ROBO1: variants seen among roughly 807,000 people sequenced by gnomAD.
ROBO1 encodes the protein roundabout guidance receptor 1.
A neutral mutation model predicts 195.9 loss-of-function variants in ROBO1; 149 were observed. The observed-to-expected ratio is 0.76, with a 90% CI of 0.67 to 0.87. The LOEUF is 0.87. ROBO1 is among the 40% of genes least tolerant of loss of function. The pLI, the probability that ROBO1 is intolerant of heterozygous loss-of-function variation, is 0.00. For missense variants in ROBO1, 1,933 were observed against 2,068.3 expected, an observed-to-expected ratio of 0.93 and a Z score of 1.27; for synonymous variants, 816 against 733.2, an observed-to-expected ratio of 1.11 and a Z score of -1.82.
At chr3:79,358,577 G>A (rs143791810) in intron 2 of ROBO1, among the ~76,000 whole-genome samples, 34 of 152,104 alleles carry the variant, frequency 2.2e-4, no homozygotes, top group African/African-American at 7.9e-4. Context: ...TTCAACATAT[G>A]TATGGGAATC....
chr3:79,242,980 CCCT>C (rs1478805735), intron 2 of ROBO1, among the ~76,000 whole-genome samples: 4 of 102,864 alleles, frequency 3.9e-5, no homozygotes, highest in African/African-American at 1.9e-4. Context: ...TATCCCTCCC[CCCT>C]CCCCCCCACC....
intron 3 of ROBO1, among the ~76,000 whole-genome samples, chr3:79,043,908 T>A (rs2078537008): frequency 6.6e-6 from 1 of 152,136 alleles, no homozygotes; most frequent in Non-Finnish European, 1.5e-5. Context: ...AATGGATACA[T>A]CTTGCTGTGG....
chr3:79,487,029 C>T (rs752227686), intron 2 of ROBO1, among the ~76,000 whole-genome samples: 3 of 152,046 alleles, frequency 2.0e-5, no homozygotes, highest in Non-Finnish European at 2.9e-5. Context: ...AATGTCCCAC[C>T]CCTAGAGACT....
intron 4 of ROBO1, among the ~76,000 whole-genome samples, chr3:78,877,278 A>G (rs1032133729): frequency 2.0e-5 from 3 of 152,202 alleles, no homozygotes; most frequent in African/African-American, 7.2e-5. Flanking sequence ...TAAGACCTCC[A>G]AGAATACATC....
chr3:78,871,543 G>T (rs1178400905), intron 4 of ROBO1, among the ~76,000 whole-genome samples: 1 of 151,938 alleles, frequency 6.6e-6, no homozygotes, highest in Non-Finnish European at 1.5e-5. Context: ...ATTTAAATAA[G>T]ATGACATACA....
rs761918271 is a variant in ROBO1 at position 78,714,431 on chromosome 3, G to A, written c.1011C>T (p.Gly337=). Residue 337 remains glycine, a synonymous_variant, in exon 8 of 31, where the codon GGC becomes GGT. Transcript: ENST00000464233. ...TCAGAGTAGCAGATGCTTCAGCTTT[G>A]CCCACCATATTTTCTGCAACACAAG... The part of the protein sequence containing the change: ...SYTCVAENMV[G]KAEASATLTV... 1.9e-5 allele frequency: 31 copies of A among 1,612,688 alleles called. No individual in the cohort carries two copies. The South Asian group carries it at 3.4e-4, about 18-fold the overall frequency.
chr3:79,067,662 C>T (rs943376775), intron 3 of ROBO1, among the ~76,000 whole-genome samples: 5 of 151,846 alleles, frequency 3.3e-5, no homozygotes, highest in Non-Finnish European at 7.4e-5. Context: ...AATAAATCCT[C>T]TAAAGACTGA....
intron 3 of ROBO1, among the ~76,000 whole-genome samples, chr3:78,977,683 GA>G (rs919771778): frequency 2.6e-5 from 4 of 151,550 alleles, no homozygotes; most frequent in African/African-American, 9.7e-5. Flanking sequence ...CTAACCATGA[GA>G]AAATAAAATC....
chr3:79,214,352 T>C (rs2082017175), intron 2 of ROBO1, among the ~76,000 whole-genome samples: 1 of 152,124 alleles, frequency 6.6e-6, no homozygotes, highest in African/African-American at 2.4e-5. Flanking sequence ...TTTTCGCTTC[T>C]CTGTAACCAA....
At chr3:79,636,709 C>A (rs890952172) in intron 1 of ROBO1, among the ~76,000 whole-genome samples, 10 of 152,100 alleles carry the variant, frequency 6.6e-5, no homozygotes, top group Non-Finnish European at 1.3e-4. Flanking sequence ...ATAATACAGG[C>A]AACAACAAAT....
At chr3:79,313,548 GTCAGAT>G (rs1408154738) in intron 2 of ROBO1, among the ~76,000 whole-genome samples, 1 of 152,142 alleles carries the variant, frequency 6.6e-6, no homozygotes, top group Non-Finnish European at 1.5e-5. Context: ...AGAAAAGACT[GTCAGAT>G]TCGAGTACTT....
chr3:79,647,563 C>T (rs1471842795), intron 1 of ROBO1, among the ~76,000 whole-genome samples: 1 of 67,646 alleles, frequency 1.5e-5, no homozygotes, highest in East Asian at 3.9e-4. Context: ...TTTTGGTTGA[C>T]ACATGTACTA....
chr3:79,691,033 G>T (rs974322846), intron 1 of ROBO1, among the ~76,000 whole-genome samples: 9 of 151,784 alleles, frequency 5.9e-5, no homozygotes, highest in Admixed American at 5.3e-4. Flanking sequence ...CATCTTTAAG[G>T]TTCAGAAACT....
At chr3:79,481,016 C>T (rs1225606205) in intron 2 of ROBO1, among the ~76,000 whole-genome samples, 1 of 152,058 alleles carries the variant, frequency 6.6e-6, no homozygotes, top group Non-Finnish European at 1.5e-5. Flanking sequence ...ATTTTACTTG[C>T]CAGATTTTAT....
intron 5 of ROBO1, among the ~76,000 whole-genome samples, chr3:78,735,122 A>G (rs1279045606): frequency 1.3e-5 from 2 of 152,200 alleles, no homozygotes; most frequent in Admixed American, 1.3e-4. Context: ...GATCCACGAA[A>G]TATCTCATTC....
chr3:78,925,759 T>C (rs140033097), intron 4 of ROBO1, among the ~76,000 whole-genome samples: 1 of 152,166 alleles, frequency 6.6e-6, no homozygotes, highest in East Asian at 1.9e-4. Context: ...GATAAAGGGA[T>C]AGAGGGTGGT....
chr3:79,697,600 T>C (rs1453372457), intron 1 of ROBO1, among the ~76,000 whole-genome samples: 1 of 151,404 alleles, frequency 6.6e-6, no homozygotes, highest in African/African-American at 2.4e-5. Context: ...GACCAAAATA[T>C]ATTGTGGCAA....
intron 2 of ROBO1, among the ~76,000 whole-genome samples, chr3:79,193,912 A>AAAAAGAGGT (rs2081586343): frequency 1.3e-5 from 2 of 151,608 alleles, no homozygotes; most frequent in South Asian, 4.1e-4. Flanking sequence ...TTCAAAAGAG[A>AAAAAGAGGT]AAAAGAGGTC....
At chr3:78,935,589 G>A (rs1267940476) in intron 4 of ROBO1, among the ~76,000 whole-genome samples, 1 of 151,956 alleles carries the variant, frequency 6.6e-6, no homozygotes, top group African/African-American at 2.4e-5. Context: ...TCCTAATAAA[G>A]TTTTAAATAG....
Sources: allele counts gnomAD v4.1 joint callset (sites outside exome capture counted in the v4.1 genomes callset), GRCh38; gene constraint gnomAD v4.1.1; transcripts MANE v1.5; gene names NCBI Gene and HGNC (gene_info 2026-07-23, HGNC 2026-07-21).